The following RBBP8 variants were observed in gnomAD, a reference collection of about 807,000 sequenced individuals.
RBBP8 encodes the protein RB binding protein 8, endonuclease.
Under a neutral mutation model 108.3 loss-of-function variants are expected in RBBP8, and 88 were observed. That is an observed-to-expected ratio of 0.81 (90% CI 0.68 to 0.97). The LOEUF (loss-of-function observed/expected upper bound fraction) is 0.97, where lower values mean the gene tolerates loss of function less well. RBBP8 is among the 50% of genes least tolerant of loss of function. The pLI is 0.00. For missense variants in RBBP8, 1,023 were observed against 1,049.0 expected (o/e 0.98, Z 0.34); for synonymous variants, 332 against 348.2 (o/e 0.95, Z 0.52).
intron 4 of RBBP8, 51 bp downstream of exon 4, chr18:22,949,764 G>T (rs992886898): frequency 1.5e-6 from 2 of 1,303,462 alleles, no homozygotes; most frequent in Non-Finnish European, 2.2e-6. Context: ...TCCATAATAA[G>T]AAGTACATTG....
intron 17 of RBBP8, among the ~76,000 whole-genome samples, chr18:23,018,659 T>C (rs2046301906): frequency 1.7e-5 from 2 of 121,080 alleles, no homozygotes. Flanking sequence ...CTGTATTGTA[T>C]AGGGAATGAC....
chr18:23,012,773 G>C (rs923687555), intron 16 of RBBP8, among the ~76,000 whole-genome samples: 1 of 152,202 alleles, frequency 6.6e-6, no homozygotes, highest in East Asian at 1.9e-4. Context: ...TAGATTTTCA[G>C]TGCAGATGAA....
intron 15 of RBBP8, among the ~76,000 whole-genome samples, chr18:23,005,732 G>A (rs960475005): frequency 6.6e-6 from 1 of 152,082 alleles, no homozygotes; most frequent in Non-Finnish European, 1.5e-5. Context: ...ATTGAAAGCT[G>A]TCTTTTGTTG....
Position 22,982,232 on chromosome 18 carries a change from A to C in RBBP8, c.443A>C (p.His148Pro). The C allele has an allele frequency of 6.2e-7, 1 of 1,613,438 alleles. No homozygotes were observed. Among genetic ancestry groups the C allele is most frequent in the Non-Finnish European group, 8.5e-7 (1 of 1,179,382 alleles). Residue 148 changes from histidine (H) to proline (P), a missense_variant, in exon 7 of 19, where the codon CAT becomes CCT. Coordinates refer to ENST00000327155, the MANE Select transcript of RBBP8 (RefSeq NM_002894.3). ...TTCTTCTCTAGGAATGATCAACAGC[A>C]TCAAGCAGCTGAGCTTGAATGTGAG... is the stretch of plus-strand genomic sequence containing the variant. ...LQQKIENDQQ[H>P]QAAELECEED...
chr18:22,950,364 C>T (rs933196977), intron 4 of RBBP8, among the ~76,000 whole-genome samples: 2 of 152,088 alleles, frequency 1.3e-5, no homozygotes, highest in East Asian at 1.9e-4. Flanking sequence ...GTGGGAGGAT[C>T]GCCTGAGGCC....
chr18:22,976,285 G>T (rs917586204), intron 6 of RBBP8, among the ~76,000 whole-genome samples: 7 of 152,078 alleles, frequency 4.6e-5, no homozygotes, highest in African/African-American at 1.7e-4. Context: ...AGTCAGATGA[G>T]GAAAGGAACC....
rs751303210 is a variant in RBBP8, at chr18:22,967,453, CT to C, written c.249-1352del. ...GTCTCCTTTTTAACTGTATTTTTTT[CT>C]GATTAGGTAAATAATGAAATTGGAA... On this transcript the variant is annotated intron_variant, in intron 4 of 18. Coordinates refer to ENST00000327155, the MANE Select transcript of RBBP8 (RefSeq NM_002894.3). Among the ~76,000 whole-genome samples, 81 of 148,910 alleles carry C rather than the reference CT, an allele frequency of 5.4e-4. No homozygotes were observed. In the Middle Eastern group the frequency reaches 0.017, roughly 32 times the overall value.
intron 15 of RBBP8, among the ~76,000 whole-genome samples, chr18:23,005,622 A>AATAT (rs2046029349): frequency 6.6e-6 from 1 of 152,014 alleles, no homozygotes; most frequent in African/African-American, 2.4e-5. Context: ...CATGTTGGCC[A>AATAT]GGCTGATCTC....
rs1401345418 is a variant in RBBP8 at position 22,990,954 on chromosome 18, G to C, written c.825G>C (p.Met275Ile). The C allele has an allele frequency of 6.2e-7, 1 of 1,613,450 alleles. No individual in the cohort carries two copies. The highest frequency in any genetic ancestry group is 1.7e-5 in the Admixed American group (1 of 60,012). The change falls in exon 10 of 19, where the codon ATG becomes ATC. Residue 275 changes from methionine (M) to isoleucine (I), a missense_variant. By Grantham distance (10) the Met-to-Ile change is conservative. Coordinates refer to ENST00000327155, the MANE Select transcript of RBBP8 (RefSeq NM_002894.3). Reference sequence around the variant, plus strand: ...TCTTGAAGGAAACTCAAGGTCCCATGAGCCCCCTTGGTGATGAGCTCTACC... The same window carrying C: ...TCTTGAAGGAAACTCAAGGTCCCATCAGCCCCCTTGGTGATGAGCTCTACC... ...VQEESETQGP[M>I]SPLGDELYHC... is the part of the protein sequence containing the mutation.
chr18:23,012,096 A>T (rs1000780330), intron 16 of RBBP8, among the ~76,000 whole-genome samples: 1 of 149,778 alleles, frequency 6.7e-6, no homozygotes, highest in African/African-American at 2.5e-5. Context: ...TCCAACTGTT[A>T]TACTGCGGGA....
intron 6 of RBBP8, among the ~76,000 whole-genome samples, chr18:22,978,924 A>G (rs951501382): frequency 6.6e-6 from 1 of 152,226 alleles, no homozygotes; most frequent in Admixed American, 6.5e-5. Flanking sequence ...ACATGTATCA[A>G]AACATTTTGT....
intron 14 of RBBP8, 138 bp downstream of exon 14, chr18:22,997,872 C>G: frequency 1.5e-6 from 1 of 685,156 alleles, no homozygotes; most frequent in South Asian, 1.7e-5. Flanking sequence ...TTATGTTCCT[C>G]TTAGGAAAGC....
chr18:22,981,368 T>C (rs539066136), intron 6 of RBBP8, among the ~76,000 whole-genome samples: 2 of 152,272 alleles, frequency 1.3e-5, no homozygotes, highest in Non-Finnish European at 2.9e-5. Flanking sequence ...TTTTGAAGCC[T>C]TCTTGTAGAC....
rs979477369 is a variant in RBBP8 at position 22,941,478 on chromosome 18, A to G, written c.109+4518A>G. ...GGAGCCACTGTGCCTGGCTATTTAT[A>G]AGCTATTAATTTAATAGAAATAAAA... On this transcript the variant is annotated intron_variant, in intron 2 of 18. Transcript: ENST00000327155. 3.9e-5 allele frequency among the ~76,000 whole-genome samples: 6 copies of G among 152,188 alleles called. No homozygotes were observed. The East Asian group carries it at 9.6e-4, about 24-fold the overall frequency.
intron 4 of RBBP8, among the ~76,000 whole-genome samples, chr18:22,960,524 C>T (rs1043988892): frequency 3.3e-5 from 5 of 152,020 alleles, no homozygotes; most frequent in East Asian, 1.9e-4. Flanking sequence ...CCAGCCTGGG[C>T]GAAAGAGCAA....
chr18:22,982,105 G>A (rs1914969323), intron 6 of RBBP8, 113 bp from the exon 7 acceptor site: 1 of 1,229,700 alleles, frequency 8.1e-7, no homozygotes, highest in African/African-American at 1.5e-5. Context: ...TTAGATGCAA[G>A]GGATTACATC....
chr18:22,928,708 C>A (rs1021410423), upstream of RBBP8, among the ~76,000 whole-genome samples: 1 of 150,166 alleles, frequency 6.7e-6, no homozygotes, highest in Non-Finnish European at 1.5e-5. Flanking sequence ...CTCGCTTTGT[C>A]GCCCATGCTG....
At chr18:22,922,131 A>T (rs1909617958) in intron 3 of RBBP8, among the ~76,000 whole-genome samples, 1 of 152,230 alleles carries the variant, frequency 6.6e-6, no homozygotes, top group Admixed American at 6.5e-5. Flanking sequence ...TAAAAATTTT[A>T]AAACCGAACA....
At chr18:22,950,572 A>G (rs368290960) in intron 4 of RBBP8, among the ~76,000 whole-genome samples, 4 of 566 alleles carry the variant, frequency 7.1e-3, no homozygotes, top group Non-Finnish European at 0.036. Flanking sequence ...CCGTGTCTCC[A>G]AAAAAAAAAA....
Sources: allele counts gnomAD v4.1 joint callset (sites outside exome capture counted in the v4.1 genomes callset), GRCh38; gene constraint gnomAD v4.1.1; transcripts MANE v1.5; gene names NCBI Gene and HGNC (gene_info 2026-07-23, HGNC 2026-07-21).